ABCA12: variants seen among roughly 807,000 people sequenced by gnomAD.
The protein encoded by ABCA12 is glucosylceramide transporter ABCA12.
ABCA12 carries 156 observed loss-of-function variants against 293.5 expected under a neutral mutation model. The ratio of observed to expected loss-of-function variants is 0.53; its 90% CI spans 0.47 to 0.61. ABCA12 has a LOEUF of 0.61. Among genes scored for constraint, ABCA12 ranks in the 20% least tolerant of loss-of-function variants. The probability of loss-of-function intolerance (pLI) is 0.00; values close to 1 mark genes in which losing one functional copy is unlikely to be tolerated. For synonymous variants in ABCA12, 1,063 were observed against 1,108.0 expected, an observed-to-expected ratio of 0.96 and a Z score of 0.81; for missense variants, 2,797 against 3,090.2, an observed-to-expected ratio of 0.91 and a Z score of 2.25.
chr2:214,947,227 G>A (rs1410836364), intron 48 of ABCA12, among the ~76,000 whole-genome samples, 195 bp downstream of exon 48: 1 of 152,172 alleles, frequency 6.6e-6, no homozygotes, highest in Admixed American at 6.6e-5. Context: ...AGAGCATATT[G>A]TTGTGGTAAC....
intron 11 of ABCA12, among the ~76,000 whole-genome samples, chr2:215,021,392 A>T (rs1160177367): frequency 6.6e-6 from 1 of 152,216 alleles, no homozygotes; most frequent in Admixed American, 6.5e-5. Flanking sequence ...CACCCGGAGG[A>T]AAAAGAGGAA....
At chr2:215,033,967 T>A (rs1040715114) in intron 8 of ABCA12, among the ~76,000 whole-genome samples, 1 of 151,844 alleles carries the variant, frequency 6.6e-6, no homozygotes, top group Non-Finnish European at 1.5e-5. Context: ...AATAAAAAAA[T>A]AAATATATGT....
intron 1 of ABCA12, among the ~76,000 whole-genome samples, chr2:215,133,392 A>C (rs540814115): frequency 6.6e-6 from 1 of 151,852 alleles, no homozygotes; most frequent in East Asian, 1.9e-4. Context: ...CTCTATCAAG[A>C]ATTCCAATAA....
At chr2:214,967,211 C>A (rs1203523689) in intron 38 of ABCA12, among the ~76,000 whole-genome samples, 1 of 152,066 alleles carries the variant, frequency 6.6e-6, no homozygotes, top group Non-Finnish European at 1.5e-5. Context: ...AGGATCTCTT[C>A]TAGGCAAAGC....
intron 50 of ABCA12, among the ~76,000 whole-genome samples, chr2:214,940,118 A>G (rs1406679702): frequency 6.6e-6 from 1 of 152,136 alleles, no homozygotes; most frequent in Non-Finnish European, 1.5e-5. Context: ...AATAGCTCTC[A>G]TTATTTTGAG....
rs1444023657 is a variant in ABCA12, at chr2:215,010,204, A to T, written c.2472+127T>A. On this transcript the variant is annotated intron_variant, in intron 18 of 52. Coordinates refer to ENST00000272895, the MANE Select transcript of ABCA12 (RefSeq NM_173076.3). ...TGAGAATTTTACTAATAGTTTCAGA[A>T]AGCCAAGGATAATAATAATAGTAGG... 1.1e-5 allele frequency: 14 copies of T among 1,229,406 alleles called. No individual in the cohort carries two copies. In the East Asian group the frequency reaches 3.5e-4, roughly 30 times the overall value. The allele number at this position is 1,229,406 out of a possible 1,614,324, so 76.2% of individuals were successfully genotyped here. A position where few individuals can be genotyped will look rare whatever the true frequency, so the allele number is the denominator to read the frequency against.
chr2:215,010,938 T>A (rs1287153597), intron 17 of ABCA12, among the ~76,000 whole-genome samples: 2 of 152,190 alleles, frequency 1.3e-5, no homozygotes, highest in East Asian at 3.8e-4. Flanking sequence ...ACATTTTGCA[T>A]CTCCAAGTTT....
intron 39 of ABCA12, among the ~76,000 whole-genome samples, chr2:214,963,793 A>G (rs1699180665): frequency 6.6e-6 from 1 of 151,472 alleles, no homozygotes; most frequent in African/African-American, 2.4e-5. Flanking sequence ...TGTGGCAGGC[A>G]CCTGTAATCC....
chr2:215,123,920 C>T (rs1225507101), intron 1 of ABCA12, among the ~76,000 whole-genome samples: 12 of 152,248 alleles, frequency 7.9e-5, no homozygotes, highest in Non-Finnish European at 1.5e-5. Flanking sequence ...CCCTCGCCCC[C>T]CTCTCACTCT....
intron 1 of ABCA12, among the ~76,000 whole-genome samples, chr2:215,114,012 G>C (rs778298151): frequency 4.6e-5 from 7 of 152,026 alleles, no homozygotes; most frequent in African/African-American, 1.7e-4. Flanking sequence ...GTCTTGCTCT[G>C]TCGCCAGGCT....
At position 214,948,677 on chromosome 2, in the gene ABCA12, G is replaced by C. The variant is rs759275464; in HGVS notation, c.7023C>G (p.Ala2341=). The C allele has an allele frequency of 5.0e-6, 8 of 1,614,024 alleles. No individual in the cohort carries two copies. Among genetic ancestry groups the C allele is most frequent in the African/African-American group, 1.3e-5 (1 of 75,020 alleles). ...SLVGYCPQED[A]LDDLVTVEEH... ...CTTCCACAGTTACCAGGTCATCTAAGGCATCTTCCTGAGGACAGTAGCCAA... is the reference window on the plus strand; with the variant it reads ...CTTCCACAGTTACCAGGTCATCTAACGCATCTTCCTGAGGACAGTAGCCAA... Residue 2341 remains alanine, a synonymous_variant, in exon 47 of 53, where the codon GCC becomes GCG. Transcript: ENST00000272895.
intron 2 of ABCA12, among the ~76,000 whole-genome samples, chr2:215,070,963 TA>T (rs1701724888): frequency 6.6e-6 from 1 of 152,036 alleles, no homozygotes; most frequent in Admixed American, 6.6e-5. Flanking sequence ...ATGGATTGCT[TA>T]AGCCCAGCAG....
chr2:215,018,002 C>A lies in ABCA12; in HGVS notation c.1782+6G>T. ...TGCATGTAAGTACAAACACATGACA[C>A]CCCACCTCAGCTCTATTATCAGGGA... On this transcript the variant is annotated splice_donor_region_variant and intron_variant, in intron 14 of 52. Coordinates refer to ENST00000272895, the MANE Select transcript of ABCA12 (RefSeq NM_173076.3). 2 of 1,614,062 alleles carry A rather than the reference C, an allele frequency of 1.2e-6. No individual in the cohort carries two copies. The highest frequency in any genetic ancestry group is 1.1e-5 in the South Asian group (1 of 91,078).
rs554152269 is a variant in ABCA12, at chr2:215,002,127, C to T, written c.2684-390G>A. On this transcript the variant is annotated intron_variant, in intron 20 of 52. Transcript: ENST00000272895. ...TAAACAGAAATGCCTGCTTTGTACA[C>T]GGAATGTGAATGCACAAACTGAAAC... Among the ~76,000 whole-genome samples the T allele has an allele frequency of 1.4e-4, 22 of 152,156 alleles. No homozygotes were observed. In the South Asian group the frequency reaches 3.9e-3, roughly 27 times the overall value.
At chr2:215,010,573 T>C in intron 17 of ABCA12, 103 bp from the exon 18 acceptor site, 1 of 1,273,258 alleles carries the variant, frequency 7.9e-7, no homozygotes, top group Non-Finnish European at 1.1e-6. Context: ...CAAAAATACA[T>C]GCTCTAGTAC....
At chr2:214,980,366 G>C in intron 31 of ABCA12, 117 bp downstream of exon 31, 1 of 1,387,320 alleles carries the variant, frequency 7.2e-7, no homozygotes, top group Admixed American at 1.9e-5. Context: ...ATGAGAAGCA[G>C]TAAGCTAGTA....
intron 48 of ABCA12, 127 bp from the exon 49 acceptor site, chr2:214,945,231 T>G (rs1698545502): frequency 4.0e-6 from 3 of 742,592 alleles, no homozygotes; most frequent in Non-Finnish European, 6.9e-6. Context: ...CTAACTTGTT[T>G]TATACTTAAT....
At chr2:215,062,385 C>T (rs182956822) in intron 3 of ABCA12, among the ~76,000 whole-genome samples, 113 of 152,026 alleles carry the variant, frequency 7.4e-4, no homozygotes, top group African/African-American at 2.5e-3. Context: ...AATTGCACAC[C>T]GGTGCTCATT....
intron 12 of ABCA12, 43 bp from the exon 13 acceptor site, chr2:215,019,491 A>G: frequency 2.5e-6 from 4 of 1,613,944 alleles, no homozygotes; most frequent in Non-Finnish European, 3.4e-6. Context: ...AAGTATTTCA[A>G]TATTTTGAAA....
Sources: allele counts gnomAD v4.1 joint callset (sites outside exome capture counted in the v4.1 genomes callset), GRCh38; gene constraint gnomAD v4.1.1; transcripts MANE v1.5; gene names NCBI Gene and HGNC (gene_info 2026-07-23, HGNC 2026-07-21).